The following CHN1 variants were observed in gnomAD, a reference collection of about 807,000 sequenced individuals.
CHN1 encodes chimerin 1.
Under a neutral mutation model 59.5 loss-of-function variants are expected in CHN1, and 37 were observed. That is an observed-to-expected ratio of 0.62 (90% confidence interval 0.48 to 0.82). CHN1 has a LOEUF of 0.82. Among genes scored for constraint, CHN1 ranks in the 40% least tolerant of loss-of-function variants. The pLI, the probability that CHN1 is intolerant of heterozygous loss-of-function variation, is 0.00. For missense variants in CHN1, 469 were observed against 571.0 expected, an observed-to-expected ratio of 0.82 and a Z score of 1.82; for synonymous variants, 206 against 200.4, an observed-to-expected ratio of 1.03 and a Z score of -0.24.
At chr2:174,992,853 G>A (rs1006526090) in intron 1 of CHN1, among the ~76,000 whole-genome samples, 1 of 151,858 alleles carries the variant, frequency 6.6e-6, no homozygotes, top group Non-Finnish European at 1.5e-5. Context: ...CCAGGCTGGA[G>A]TGCTCACCGA....
At chr2:174,936,448 A>G (rs538747336) in intron 3 of CHN1, among the ~76,000 whole-genome samples, 16 of 152,322 alleles carry the variant, frequency 1.1e-4, no homozygotes, top group African/African-American at 3.8e-4. Flanking sequence ...AAATAGATAT[A>G]GCTTATACCT....
At chr2:174,847,895 T>TACAGC in intron 6 of CHN1, 1 of 399,240 alleles carries the variant, frequency 2.5e-6, no homozygotes, top group Non-Finnish European at 4.8e-6. Context: ...TTAACATACA[T>TACAGC]ACAGCACTAG....
chr2:174,928,049 AAGGAGAAC>A (rs997527500), intron 3 of CHN1, among the ~76,000 whole-genome samples: 46 of 152,336 alleles, frequency 3.0e-4, no homozygotes, highest in East Asian at 1.2e-3. Flanking sequence ...AGAAGGGGAA[AAGGAGAAC>A]AATATGCATT....
At chr2:174,807,398 C>T (rs1684918516) in intron 11 of CHN1, among the ~76,000 whole-genome samples, 1 of 148,116 alleles carries the variant, frequency 6.8e-6, no homozygotes, top group Non-Finnish European at 1.5e-5. Flanking sequence ...GGATCGGAGT[C>T]CTCGGGATCA....
chr2:174,936,967 T>C (rs1195090679), intron 3 of CHN1, among the ~76,000 whole-genome samples: 1 of 152,156 alleles, frequency 6.6e-6, no homozygotes. Flanking sequence ...CAATAACCTT[T>C]AATAAAAAAA....
chr2:174,910,792 C>A (rs371601728), intron 5 of CHN1, among the ~76,000 whole-genome samples: 1 of 149,528 alleles, frequency 6.7e-6, no homozygotes, highest in African/African-American at 2.4e-5. Flanking sequence ...CCCAGCTACT[C>A]GGGAGGCTGA....
intron 12 of CHN1, among the ~76,000 whole-genome samples, chr2:174,800,815 T>C (rs1009495170): frequency 2.0e-5 from 3 of 152,192 alleles, no homozygotes; most frequent in African/African-American, 4.8e-5. Flanking sequence ...ACAGAAAATA[T>C]GATTTGAGAG....
intron 5 of CHN1, among the ~76,000 whole-genome samples, chr2:174,901,312 T>G (rs1410368978): frequency 1.3e-5 from 2 of 152,218 alleles, no homozygotes; most frequent in Non-Finnish European, 2.9e-5. Context: ...GACATGCTGG[T>G]CGGGCTTCTA....
At chr2:174,987,104 C>T (rs924594035) in intron 1 of CHN1, among the ~76,000 whole-genome samples, 1 of 152,158 alleles carries the variant, frequency 6.6e-6, no homozygotes. Context: ...GTATACAATA[C>T]ATATAACACA....
At position 174,952,184 on chromosome 2, in the gene CHN1, G is replaced by A; in HGVS notation, c.38C>T (p.Pro13Leu). 1 of 1,461,078 alleles carries A rather than the reference G, an allele frequency of 6.8e-7. No individual in the cohort carries two copies. Among genetic ancestry groups the A allele is most frequent in the Non-Finnish European group, 9.1e-7 (1 of 1,103,972 alleles). The allele number at this position is 1,461,078 out of a possible 1,614,324, so 90.5% of individuals were successfully genotyped here. A position where few individuals can be genotyped will look rare whatever the true frequency, so the allele number is the denominator to read the frequency against. The change falls in exon 2 of 13, where the codon CCT becomes CTT. Residue 13 changes from proline to leucine, a missense_variant. Coordinates refer to ENST00000409900, the MANE Select transcript of CHN1 (RefSeq NM_001822.7). ...LTLFDTDEYR[P>L]PVWKSYLYQL... ...CTTACAGTAAGATTTCCAAACAGGA[G>A]GTCTATATTCATCTGTATCTGAAAG...
chr2:174,951,834 G>A (rs1455784139), intron 2 of CHN1, among the ~76,000 whole-genome samples: 1 of 152,092 alleles, frequency 6.6e-6, no homozygotes, highest in Non-Finnish European at 1.5e-5. Flanking sequence ...TAAAGAATCA[G>A]GACCTGAAAA....
intron 6 of CHN1, among the ~76,000 whole-genome samples, chr2:174,869,985 C>T (rs1449817678): frequency 6.6e-6 from 1 of 152,170 alleles, no homozygotes; most frequent in Non-Finnish European, 1.5e-5. Context: ...TTTCACTAAA[C>T]ACTGTTAGTA....
rs919421851 is a variant in CHN1 at position 174,846,965 on chromosome 2, T to C, written c.550-8A>G. 15 of 1,553,418 alleles carry C rather than the reference T, an allele frequency of 9.7e-6. No individual in the cohort carries two copies. The highest frequency in any genetic ancestry group is 1.4e-5 in the African/African-American group (1 of 73,206). Reference sequence around the variant, plus strand: ...TCTAACAAGTGATGTCAACTGCGAATAAGCAAAGAGTTTCAGAGGTTGCCA... The same window carrying C: ...TCTAACAAGTGATGTCAACTGCGAACAAGCAAAGAGTTTCAGAGGTTGCCA... On this transcript the variant is annotated splice_region_variant and splice_polypyrimidine_tract_variant and intron_variant, in intron 6 of 12. Transcript: ENST00000409900.
chr2:174,944,758 G>A, intron 3 of CHN1, 130 bp downstream of exon 3: 1 of 621,594 alleles, frequency 1.6e-6, no homozygotes, highest in Non-Finnish European at 2.8e-6. Flanking sequence ...ATGTATTCAA[G>A]TTATAATTTT....
intron 6 of CHN1, chr2:174,847,806 TG>T (rs1686586930): frequency 4.4e-6 from 2 of 452,814 alleles, no homozygotes; most frequent in African/African-American, 8.8e-5. Flanking sequence ...AAAAAATCAG[TG>T]GGAAGGTAAT....
At chr2:174,983,720 C>T (rs777258758) in intron 1 of CHN1, among the ~76,000 whole-genome samples, 6 of 151,938 alleles carry the variant, frequency 3.9e-5, no homozygotes, top group Non-Finnish European at 8.8e-5. Flanking sequence ...CCCAGCTGCT[C>T]GGGAGGCTGA....
chr2:174,889,225 A>C (rs1258262826), intron 5 of CHN1, among the ~76,000 whole-genome samples: 2 of 152,214 alleles, frequency 1.3e-5, no homozygotes, highest in African/African-American at 4.8e-5. Flanking sequence ...TTAATTCATA[A>C]AGGTTTTCTC....
Position 174,945,975 on chromosome 2 carries a change from T to TAC in CHN1, c.59-1034_59-1033dup, listed in dbSNP as rs138653833. Among the ~76,000 whole-genome samples the TAC allele has an allele frequency of 3.3e-5, 5 of 151,132 alleles. 1 individual carries two copies. Among genetic ancestry groups the TAC allele is most frequent in the South Asian group, 4.2e-4 (2 of 4,772 alleles). On this transcript the variant is annotated intron_variant, in intron 2 of 12. Transcript: ENST00000409900. Reference sequence around the variant, plus strand: ...TGTGTATATATATACTATCTCTCTCTACACACACACACAGTGAACACACAC... The same window carrying TAC: ...TGTGTATATATATACTATCTCTCTCTACACACACACACACAGTGAACACACAC...
At chr2:174,992,477 T>C (rs1023053352) in intron 1 of CHN1, among the ~76,000 whole-genome samples, 3 of 152,170 alleles carry the variant, frequency 2.0e-5, no homozygotes, top group African/African-American at 7.2e-5. Context: ...CAGAAAACAA[T>C]GTCTCAAAAG....
Sources: gnomAD v4.1 joint callset for allele counts (sites outside exome capture counted in the v4.1 genomes callset) on GRCh38, gnomAD v4.1.1 for gene constraint, MANE v1.5 for transcripts, NCBI Gene and HGNC (gene_info 2026-07-23, HGNC 2026-07-21) for gene names.